Variants in KHDRBS2 observed in about 807,000 individuals in gnomAD.
The protein encoded by KHDRBS2 is KH domain-containing, RNA-binding, signal transduction-associated protein 2.
A neutral mutation model predicts 44.3 loss-of-function variants in KHDRBS2; 26 were observed. The ratio of observed to expected loss-of-function variants is 0.59; its 90% CI spans 0.43 to 0.81. The LOEUF is 0.81. KHDRBS2 is among the 40% of genes least tolerant of loss of function. KHDRBS2 has a pLI of 0.00. For missense variants in KHDRBS2, 476 were observed against 433.1 expected, an observed-to-expected ratio of 1.10 and a Z score of -0.88; for synonymous variants, 194 against 151.1, an observed-to-expected ratio of 1.28 and a Z score of -2.08.
chr6:62,082,345 C>T (rs1348346256), intron 2 of KHDRBS2, among the ~76,000 whole-genome samples: 2 of 114,174 alleles, frequency 1.8e-5, no homozygotes, highest in Non-Finnish European at 3.7e-5. Flanking sequence ...GTGTGAACAA[C>T]CCAACTTTAT....
chr6:62,072,185 T>C (rs186643753), intron 2 of KHDRBS2, among the ~76,000 whole-genome samples: 94 of 152,316 alleles, frequency 6.2e-4, no homozygotes, highest in African/African-American at 2.2e-3. Context: ...TTTTGCACAT[T>C]GATTTTGTAT....
chr6:61,737,144 CTATT>C (rs569637681), intron 6 of KHDRBS2, among the ~76,000 whole-genome samples: 1 of 152,162 alleles, frequency 6.6e-6, no homozygotes, highest in East Asian at 1.9e-4. Context: ...GCTATTATCT[CTATT>C]TATGAAGAAT....
chr6:61,775,170 C>T (rs543190048), intron 6 of KHDRBS2, among the ~76,000 whole-genome samples: 21 of 152,168 alleles, frequency 1.4e-4, no homozygotes, highest in African/African-American at 4.3e-4. Flanking sequence ...CTATGACAAA[C>T]CCACAGCCAA....
At chr6:62,142,199 G>A (rs1460367629) in intron 2 of KHDRBS2, among the ~76,000 whole-genome samples, 1 of 152,068 alleles carries the variant, frequency 6.6e-6, no homozygotes, top group Non-Finnish European at 1.5e-5. Context: ...CTGTAGTGAG[G>A]TTCCTGGTTG....
At chr6:61,644,024 T>C in the KHDRBS2 span, among the ~76,000 whole-genome samples, 2 of 152,112 alleles carry the variant, frequency 1.3e-5, no homozygotes, top group African/African-American at 2.4e-5. Context: ...AGAACAAAGC[T>C]GGGGGCATCA....
chr6:62,196,708 T>G (rs1324721104), intron 1 of KHDRBS2, among the ~76,000 whole-genome samples: 1 of 152,038 alleles, frequency 6.6e-6, no homozygotes, highest in African/African-American at 2.4e-5. Flanking sequence ...TGCTCACAGG[T>G]AGATGAGCTT....
At chr6:62,284,844 AT>A (rs2150199532) in intron 1 of KHDRBS2, among the ~76,000 whole-genome samples, 1 of 152,302 alleles carries the variant, frequency 6.6e-6, no homozygotes, top group South Asian at 2.1e-4. Flanking sequence ...TCTCAAAAAA[AT>A]CTTTTAATAC....
intron 6 of KHDRBS2, among the ~76,000 whole-genome samples, chr6:61,798,396 G>C (rs911100579): frequency 1.3e-5 from 2 of 152,046 alleles, no homozygotes; most frequent in African/African-American, 4.8e-5. Context: ...AAGAATATGA[G>C]ACCACATTCT....
At chr6:62,163,429 A>G (rs1257323661) in intron 2 of KHDRBS2, among the ~76,000 whole-genome samples, 1 of 152,036 alleles carries the variant, frequency 6.6e-6, no homozygotes, top group Non-Finnish European at 1.5e-5. Flanking sequence ...TTTCAATTCT[A>G]GAATTATTCA....
chr6:62,257,735 C>T (rs1012862229), intron 1 of KHDRBS2, among the ~76,000 whole-genome samples: 7 of 151,988 alleles, frequency 4.6e-5, no homozygotes, highest in African/African-American at 1.4e-4. Flanking sequence ...TCCTGACCTA[C>T]TTTAAGAGTT....
intron 2 of KHDRBS2, among the ~76,000 whole-genome samples, chr6:62,064,290 C>T (rs1016480528): frequency 6.7e-6 from 1 of 149,670 alleles, no homozygotes; most frequent in African/African-American, 2.5e-5. Flanking sequence ...CTTTAAAGTT[C>T]ATATGGAACA....
chr6:62,164,746 T>G (rs1240778616), intron 2 of KHDRBS2, among the ~76,000 whole-genome samples: 1 of 151,950 alleles, frequency 6.6e-6, no homozygotes, highest in Non-Finnish European at 1.5e-5. Flanking sequence ...TAATTAATTT[T>G]GCAAAATTGC....
At chr6:61,859,620 C>T (rs1455267117) in intron 6 of KHDRBS2, among the ~76,000 whole-genome samples, 1 of 151,944 alleles carries the variant, frequency 6.6e-6, no homozygotes, top group East Asian at 1.9e-4. Context: ...TACCTTTGCA[C>T]TTTAAACCCA....
chr6:61,783,586 G>A (rs1783356933), intron 6 of KHDRBS2, among the ~76,000 whole-genome samples: 1 of 152,044 alleles, frequency 6.6e-6, no homozygotes, highest in South Asian at 2.1e-4. Context: ...AATACATTGT[G>A]TCAATGGTTT....
Position 62,114,687 on chromosome 6 carries a change from T to C in KHDRBS2, c.219+62498A>G, listed in dbSNP as rs145050298. Among the ~76,000 whole-genome samples the C allele has an allele frequency of 2.0e-3, 312 of 152,198 alleles. 1 individual carries two copies. The highest frequency in any genetic ancestry group is 7.5e-3 in the South Asian group (36 of 4,826). On this transcript the variant is annotated intron_variant, in intron 2 of 8. Transcript: ENST00000281156. ...AGTATTGTTCCAAGTACTTTACATA[T>C]ACTAAATACATTAACATAGTAACAG...
At chr6:61,569,254 C>T in the KHDRBS2 span, among the ~76,000 whole-genome samples, 1 of 152,158 alleles carries the variant, frequency 6.6e-6, no homozygotes, top group African/African-American at 2.4e-5. Context: ...CAAGGAAAGT[C>T]TGAGCCCAGA....
chr6:61,702,727 G>T (rs1204137), intron 7 of KHDRBS2, among the ~76,000 whole-genome samples: 92,946 of 151,672 alleles, frequency 0.61, 29,704 homozygotes, highest in Non-Finnish European at 0.7. Context: ...AACAACTCAT[G>T]TCTTTTCTGA....
chr6:62,138,599 G>C (rs1812084123), intron 2 of KHDRBS2, among the ~76,000 whole-genome samples: 1 of 152,166 alleles, frequency 6.6e-6, no homozygotes, highest in South Asian at 2.1e-4. Context: ...TAAAATAGCA[G>C]TCTGTTGCCA....
At chr6:61,840,074 A>T (rs1469860437) in intron 6 of KHDRBS2, among the ~76,000 whole-genome samples, 2 of 152,124 alleles carry the variant, frequency 1.3e-5, no homozygotes, top group Admixed American at 1.3e-4. Context: ...TAGAACAAAA[A>T]TGTTTTGCAT....
Sources: allele counts gnomAD v4.1 joint callset (sites outside exome capture counted in the v4.1 genomes callset), GRCh38; gene constraint gnomAD v4.1.1; transcripts MANE v1.5; gene names NCBI Gene and HGNC (gene_info 2026-07-23, HGNC 2026-07-21).